The following SHROOM4 variants were observed in gnomAD, a reference collection of about 807,000 sequenced individuals.
SHROOM4 encodes the protein protein Shroom4.
A neutral mutation model predicts 80.3 loss-of-function variants in SHROOM4; 17 were observed. The ratio of observed to expected loss-of-function variants is 0.21; its 90% CI spans 0.14 to 0.32. The LOEUF (loss-of-function observed/expected upper bound fraction) is 0.32. SHROOM4 is among the 10% of genes least tolerant of loss of function. The pLI, the probability that SHROOM4 is intolerant of heterozygous loss-of-function variation, is 1.00. For missense variants in SHROOM4, 993 were observed against 1,140.3 expected, an observed-to-expected ratio of 0.87 and a Z score of 1.86; for synonymous variants, 400 against 437.5, an observed-to-expected ratio of 0.91 and a Z score of 1.07.
At chrX:50,611,885 A>C (rs1930012055) in intron 5 of SHROOM4, among the ~76,000 whole-genome samples, 2 of 111,150 alleles carry the variant, frequency 1.8e-5, no homozygotes, top group Non-Finnish European at 1.9e-5. Flanking sequence ...GCGCCAATGC[A>C]CTCCAGAGCT....
intron 1 of SHROOM4, among the ~76,000 whole-genome samples, chrX:50,788,185 T>C (rs1557271240): frequency 8.9e-6 from 1 of 111,867 alleles, no homozygotes; most frequent in East Asian, 2.8e-4. Context: ...ATTAATAGCA[T>C]AAAGTGTGTG....
intron 1 of SHROOM4, among the ~76,000 whole-genome samples, chrX:50,807,012 G>C (rs911097397): frequency 8.9e-6 from 1 of 112,046 alleles, no homozygotes; most frequent in Non-Finnish European, 1.9e-5. Context: ...GATACACTAT[G>C]GATTAAATAG....
At chrX:50,806,208 G>T (rs142829950) in intron 1 of SHROOM4, among the ~76,000 whole-genome samples, 56 of 111,935 alleles carry the variant, frequency 5.0e-4, no homozygotes, top group African/African-American at 1.7e-3. Flanking sequence ...CATGGAAAAT[G>T]TGTCTCTGTT....
intron 2 of SHROOM4, among the ~76,000 whole-genome samples, chrX:50,691,333 T>C (rs1933216900): frequency 9.0e-6 from 1 of 111,655 alleles, no homozygotes; most frequent in African/African-American, 3.3e-5. Flanking sequence ...CATGGTTGTG[T>C]GGTCATTGTT....
At chrX:50,579,706 G>A in the SHROOM4 span, among the ~76,000 whole-genome samples, 2 of 111,256 alleles carry the variant, frequency 1.8e-5, no homozygotes, top group Non-Finnish European at 3.8e-5. Context: ...TAAAAAGAGG[G>A]GATTCTGTGA....
At chrX:50,646,074 C>G (rs1353412496) in intron 2 of SHROOM4, among the ~76,000 whole-genome samples, 1 of 112,175 alleles carries the variant, frequency 8.9e-6, no homozygotes, top group Non-Finnish European at 1.9e-5. Context: ...GAAAGAGAAC[C>G]ATGACTCTGC....
chrX:50,607,546 T>C lies in SHROOM4; in HGVS notation c.3596A>G (p.Gln1199Arg). Reference sequence around the variant, plus strand: ...GGATTCTTGCTCTGCTGGGACACTTTGTGAACCCTGTCTCGAGCCCTCCAG... The same window carrying C: ...GGATTCTTGCTCTGCTGGGACACTTCGTGAACCCTGTCTCGAGCCCTCCAG... ...GHLEGSRQGS[Q>R]SVPAEQESFA... is the part of the protein sequence containing the mutation. The change falls in exon 6 of 9, where the codon CAA (glutamine) becomes CGA (arginine). Residue 1199 changes from glutamine to arginine, a missense_variant. Transcript: ENST00000376020. The C allele has an allele frequency of 2.5e-6, 3 of 1,211,114 alleles. No individual in the cohort carries two copies. The highest frequency in any genetic ancestry group is 3.4e-6 in the Non-Finnish European group (3 of 895,358).
At chrX:50,684,312 T>C (rs1933011085) in intron 2 of SHROOM4, among the ~76,000 whole-genome samples, 1 of 110,925 alleles carries the variant, frequency 9.0e-6, no homozygotes, top group African/African-American at 3.3e-5. Context: ...GTGCTATGTC[T>C]ACAAGCCAAG....
chrX:50,721,894 G>T, intron 1 of SHROOM4, among the ~76,000 whole-genome samples: 1 of 111,203 alleles, frequency 9.0e-6, no homozygotes, highest in Non-Finnish European at 1.9e-5. Flanking sequence ...CTCCTCATTT[G>T]TCTCCATTTT....
At chrX:50,801,290 G>GAGAGAGAGAGA (rs1228065329) in intron 1 of SHROOM4, among the ~76,000 whole-genome samples, 1 of 106,730 alleles carries the variant, frequency 9.4e-6, no homozygotes, top group Admixed American at 1.0e-4. Flanking sequence ...GAGAGAGAGA[G>GAGAGAGAGAGA]AACACGTACT....
chrX:50,790,649 G>C (rs1935834308), intron 1 of SHROOM4, among the ~76,000 whole-genome samples: 1 of 111,780 alleles, frequency 8.9e-6, no homozygotes, highest in East Asian at 2.8e-4. Context: ...AACATATGCA[G>C]ATCAATAAAT....
chrX:50,774,439 C>T (rs1935462692), intron 1 of SHROOM4, among the ~76,000 whole-genome samples: 1 of 111,400 alleles, frequency 9.0e-6, no homozygotes, highest in African/African-American at 3.3e-5. Flanking sequence ...ACGAACAGTT[C>T]CCTCTATCCC....
Position 50,587,698 on chromosome X carries a change from G to T in SHROOM4, c.*8997C>A, listed in dbSNP as rs1449168002. 8.9e-6 allele frequency among the ~76,000 whole-genome samples: 1 copy of T among 111,944 alleles called. No individual in the cohort carries two copies. Among genetic ancestry groups the T allele is most frequent in the African/African-American group, 3.2e-5 (1 of 30,812 alleles). ...CGAGAGTGGGGACTTTGTCTATCTT[G>T]TCCACTTCTGAATCCCTGAAGCACA... On this transcript the variant is annotated 3_prime_UTR_variant, in exon 9 of 9. Transcript: ENST00000376020.
chrX:50,682,457 C>G (rs1932962704), intron 2 of SHROOM4, among the ~76,000 whole-genome samples: 1 of 111,604 alleles, frequency 9.0e-6, no homozygotes, highest in South Asian at 3.8e-4. Context: ...TGTAACCCTG[C>G]TAAGCACTAT....
At chrX:50,752,908 T>C (rs781858406) in intron 1 of SHROOM4, among the ~76,000 whole-genome samples, 2 of 112,017 alleles carry the variant, frequency 1.8e-5, no homozygotes, top group Admixed American at 1.9e-4. Context: ...AGCTGACCCA[T>C]GACAGCACAC....
chrX:50,790,732 C>G (rs1198420650), intron 1 of SHROOM4, among the ~76,000 whole-genome samples: 1 of 111,586 alleles, frequency 9.0e-6, no homozygotes, highest in African/African-American at 3.3e-5. Context: ...AAGCATTTGA[C>G]AAATTCAACA....
chrX:50,766,808 T>C (rs1326547883), intron 1 of SHROOM4, among the ~76,000 whole-genome samples: 1 of 111,624 alleles, frequency 9.0e-6, no homozygotes, highest in East Asian at 2.8e-4. Context: ...TGGAAAAATA[T>C]GTGACAAATA....
At chrX:50,627,896 G>A in intron 4 of SHROOM4, among the ~76,000 whole-genome samples, 1 of 111,896 alleles carries the variant, frequency 8.9e-6, no homozygotes, top group South Asian at 3.8e-4. Flanking sequence ...GGAGCACTTA[G>A]GGACCTGGAC....
rs190294777 is a variant in SHROOM4 at position 50,602,621 on chromosome X, A to G, written c.3942+12T>C. On this transcript the variant is annotated intron_variant, in intron 7 of 8. Coordinates refer to ENST00000376020, the MANE Select transcript of SHROOM4 (RefSeq NM_020717.5). ...ATTCTGAAAATCTCTAGGACACATC[A>G]AAAAACTTTACCTTTTTTTGAGCCA... The G allele has an allele frequency of 8.3e-7, 1 of 1,208,667 alleles. No homozygotes were observed. Among genetic ancestry groups the G allele is most frequent in the East Asian group, 3.0e-5 (1 of 33,753 alleles).
Sources: gnomAD v4.1 joint callset for allele counts (sites outside exome capture counted in the v4.1 genomes callset) on GRCh38, gnomAD v4.1.1 for gene constraint, MANE v1.5 for transcripts, NCBI Gene and HGNC (gene_info 2026-07-23, HGNC 2026-07-21) for gene names.